Variants in MARCHF4 observed in about 807,000 individuals in gnomAD.
MARCHF4 encodes E3 ubiquitin-protein ligase MARCHF4.
Under a neutral mutation model 43.9 loss-of-function variants are expected in MARCHF4, and 14 were observed. That is an observed-to-expected ratio of 0.32 (90% confidence interval 0.21 to 0.50). The LOEUF is 0.50. Among genes scored for constraint, MARCHF4 ranks in the 20% least tolerant of loss-of-function variants. MARCHF4 has a pLI of 0.98. For synonymous variants in MARCHF4, 226 were observed against 213.3 expected (o/e 1.06, Z -0.52); for missense variants, 468 against 536.7 (o/e 0.87, Z 1.27).
chr2:216,277,889 A>G (rs1239756963), intron 2 of MARCHF4, 25 bp from the exon 3 acceptor site: 1 of 1,589,784 alleles, frequency 6.3e-7, no homozygotes, highest in Admixed American at 1.7e-5. Flanking sequence ...GTGGCCAGTT[A>G]GCAGTTGCTT....
At chr2:216,299,163 G>C (rs983644278) in intron 1 of MARCHF4, among the ~76,000 whole-genome samples, 2 of 151,928 alleles carry the variant, frequency 1.3e-5, no homozygotes, top group African/African-American at 4.8e-5. Context: ...GTGAGATGTG[G>C]CTGCAGGATT....
At chr2:216,309,505 A>C (rs1240996348) in intron 1 of MARCHF4, among the ~76,000 whole-genome samples, 1 of 152,236 alleles carries the variant, frequency 6.6e-6, no homozygotes, top group Non-Finnish European at 1.5e-5. Flanking sequence ...TAGGGTGTAC[A>C]TATAACCCCA....
At chr2:216,317,525 T>C (rs981534979) in intron 1 of MARCHF4, among the ~76,000 whole-genome samples, 1 of 152,158 alleles carries the variant, frequency 6.6e-6, no homozygotes, top group Non-Finnish European at 1.5e-5. Context: ...AGTGATCTCA[T>C]GTCTCAGCCT....
At chr2:216,280,335 G>A (rs1053715064) in intron 2 of MARCHF4, among the ~76,000 whole-genome samples, 2 of 151,916 alleles carry the variant, frequency 1.3e-5, no homozygotes, top group Non-Finnish European at 2.9e-5. Context: ...AGAGACAAGC[G>A]GAAGAGCACA....
At chr2:216,287,901 G>A (rs1321967063) in intron 1 of MARCHF4, among the ~76,000 whole-genome samples, 1 of 151,944 alleles carries the variant, frequency 6.6e-6, no homozygotes. Flanking sequence ...CCTCTCTGAG[G>A]CTCCATTTCT....
At chr2:216,302,388 T>TA (rs1238759571) in intron 1 of MARCHF4, among the ~76,000 whole-genome samples, 2 of 83,430 alleles carry the variant, frequency 2.4e-5, no homozygotes, top group Non-Finnish European at 7.1e-5. Flanking sequence ...CCATCTAATT[T>TA]TTTTTTTTTT....
At chr2:216,350,453 A>G (rs1692387766) in intron 1 of MARCHF4, among the ~76,000 whole-genome samples, 1 of 150,490 alleles carries the variant, frequency 6.6e-6, no homozygotes, top group Non-Finnish European at 1.5e-5. Flanking sequence ...ACTATGCCAC[A>G]CTACCTTGCT....
At chr2:216,303,337 G>C (rs1691525278) in intron 1 of MARCHF4, 1 of 152,264 alleles carries the variant, frequency 6.6e-6, no homozygotes, top group Admixed American at 6.5e-5. Flanking sequence ...AGGCTCCTGT[G>C]CTTAATCTTT....
chr2:216,342,790 G>A (rs1240152824), intron 1 of MARCHF4, among the ~76,000 whole-genome samples: 3 of 152,118 alleles, frequency 2.0e-5, no homozygotes, highest in Non-Finnish European at 4.4e-5. Context: ...GTGGCCGCAC[G>A]GTACACCCTC....
intron 2 of MARCHF4, among the ~76,000 whole-genome samples, chr2:216,280,482 T>C (rs1691110903): frequency 1.3e-5 from 2 of 152,192 alleles, no homozygotes; most frequent in African/African-American, 4.8e-5. Context: ...ACCCTCAACT[T>C]TCCTTTCTGT....
chr2:216,292,882 A>G (rs1232238308), intron 1 of MARCHF4, among the ~76,000 whole-genome samples: 1 of 152,236 alleles, frequency 6.6e-6, no homozygotes, highest in African/African-American at 2.4e-5. Flanking sequence ...AGGTCAATGT[A>G]TCCTGGTATC....
chr2:216,369,960 G>A lies in MARCHF4; in HGVS notation c.301C>T (p.Pro101Ser), dbSNP rs771938057. ...RGPREVVGRE[P>S]PPVPPPPPLP... ...GGGGGTGGAGGTGGCACAGGAGGGG[G>A]CTCCCTGCCCACCACTTCTCGGGGG... Residue 101 changes from proline to serine, a missense_variant, in exon 1 of 4, where the codon CCC becomes TCC. Physicochemically the swap from Pro to Ser is moderately conservative, Grantham distance 74 (BLOSUM62 -1). This residue lies in a region of MARCHF4 where 190 missense variants were observed against 158.5 expected (regional missense o/e 1.20). Transcript: ENST00000273067. The A allele has an allele frequency of 2.5e-6, 4 of 1,577,350 alleles. No homozygotes were observed. The highest frequency in any genetic ancestry group is 1.8e-5 in the Admixed American group (1 of 55,060).
intron 1 of MARCHF4, among the ~76,000 whole-genome samples, chr2:216,291,692 C>A (rs568940006): frequency 9.9e-5 from 15 of 152,166 alleles, no homozygotes; most frequent in Non-Finnish European, 2.2e-4. Flanking sequence ...TTCTGGCTTC[C>A]TTTCTTTCTC....
intron 1 of MARCHF4, among the ~76,000 whole-genome samples, chr2:216,354,896 T>TTTCTTTCTTTCC (rs1692459875): frequency 2.9e-5 from 1 of 35,084 alleles, no homozygotes; most frequent in Non-Finnish European, 5.1e-5. Flanking sequence ...AATTGTTTTC[T>TTTCTTTCTTTCC]TTCTTTCTTT....
intron 1 of MARCHF4, among the ~76,000 whole-genome samples, chr2:216,361,555 C>T (rs571490001): frequency 6.6e-6 from 1 of 152,218 alleles, no homozygotes; most frequent in South Asian, 2.1e-4. Context: ...GCAGAGAGTG[C>T]TGCTTAATAA....
intron 1 of MARCHF4, among the ~76,000 whole-genome samples, chr2:216,339,689 A>T (rs1692209025): frequency 6.6e-6 from 1 of 152,070 alleles, no homozygotes; most frequent in African/African-American, 2.4e-5. Flanking sequence ...CCTCCTGGTC[A>T]TTCATCCATC....
chr2:216,262,402 G>A (rs940061874), intron 3 of MARCHF4, among the ~76,000 whole-genome samples: 2 of 152,194 alleles, frequency 1.3e-5, no homozygotes, highest in Non-Finnish European at 2.9e-5. Flanking sequence ...ACAGACATGA[G>A]AATTATATGT....
chr2:216,307,691 C>T (rs1444099245), intron 1 of MARCHF4, among the ~76,000 whole-genome samples: 2 of 152,102 alleles, frequency 1.3e-5, no homozygotes, highest in African/African-American at 2.4e-5. Flanking sequence ...CATGGAGGCC[C>T]CCGTGACAGC....
At chr2:216,348,886 C>T (rs1692359951) in intron 1 of MARCHF4, among the ~76,000 whole-genome samples, 1 of 151,850 alleles carries the variant, frequency 6.6e-6, no homozygotes, top group African/African-American at 2.4e-5. Flanking sequence ...ATCAATTTTC[C>T]ACTAACATCC....
Sources: gnomAD v4.1 joint callset for allele counts (sites outside exome capture counted in the v4.1 genomes callset) on GRCh38, gnomAD v4.1.1 for gene constraint, gnomAD v4.1.1 regional missense constraint, MANE v1.5 for transcripts, NCBI Gene and HGNC (gene_info 2026-07-23, HGNC 2026-07-21) for gene names.